ST6GALNAC3: variants seen among roughly 807,000 people sequenced by gnomAD.
ST6GALNAC3 encodes the protein alpha-N-acetylgalactosaminide alpha-2,6-sialyltransferase 3.
In ST6GALNAC3, 25 loss-of-function variants were observed where a neutral mutation model predicts 32.7. The ratio of observed to expected loss-of-function variants is 0.76; its 90% CI spans 0.56 to 1.07. ST6GALNAC3 has a LOEUF of 1.07. Ranked by LOEUF, ST6GALNAC3 falls within the 50% of genes least tolerant of loss-of-function variation. ST6GALNAC3 has a pLI of 0.00. For synonymous variants in ST6GALNAC3, 129 were observed against 133.1 expected, an observed-to-expected ratio of 0.97 and a Z score of 0.21; for missense variants, 355 against 382.4, an observed-to-expected ratio of 0.93 and a Z score of 0.60.
At position 76,088,304 on chromosome 1, in the gene ST6GALNAC3, G is replaced by A. The variant is rs142856994; in HGVS notation, c.18+13420G>A. Among the ~76,000 whole-genome samples the A allele has an allele frequency of 2.3e-3, 350 of 152,308 alleles. 1 individual carries two copies. The highest frequency in any genetic ancestry group is 0.01 in the Middle Eastern group (3 of 294). The stretch of plus-strand genomic sequence containing the variant: ...TTGGTGGTCTGTCTCCTAGAGCAGA[G>A]AATCACTAGTACTATTACAAACCAT... On this transcript the variant is annotated intron_variant, in intron 1 of 4. Coordinates refer to ENST00000328299, the MANE Select transcript of ST6GALNAC3 (RefSeq NM_152996.4).
intron 2 of ST6GALNAC3, among the ~76,000 whole-genome samples, chr1:76,337,945 G>T (rs1038370738): frequency 2.0e-5 from 3 of 152,156 alleles, no homozygotes; most frequent in African/African-American, 7.2e-5. Context: ...GGCATTAACA[G>T]TCACACAGGC....
chr1:76,565,188 C>T (rs1056301787), intron 3 of ST6GALNAC3, among the ~76,000 whole-genome samples: 1 of 152,088 alleles, frequency 6.6e-6, no homozygotes, highest in Non-Finnish European at 1.5e-5. Flanking sequence ...CCTATGCTGA[C>T]AACAACTGAG....
chr1:76,161,040 T>C (rs1651770790), intron 1 of ST6GALNAC3, among the ~76,000 whole-genome samples: 1 of 152,248 alleles, frequency 6.6e-6, no homozygotes, highest in African/African-American at 2.4e-5. Flanking sequence ...ACATGAGTAC[T>C]TAACCTTGAT....
At chr1:76,269,644 T>C (rs1570639195) in intron 1 of ST6GALNAC3, among the ~76,000 whole-genome samples, 2 of 152,206 alleles carry the variant, frequency 1.3e-5, no homozygotes, top group East Asian at 3.8e-4. Flanking sequence ...GGTATCCAGT[T>C]ATAATGGAAC....
chr1:76,414,129 T>A (rs1299051907), intron 3 of ST6GALNAC3, among the ~76,000 whole-genome samples: 1 of 152,068 alleles, frequency 6.6e-6, no homozygotes, highest in Admixed American at 6.6e-5. Flanking sequence ...AGAGAATAGC[T>A]TTGGGAGATC....
intron 3 of ST6GALNAC3, among the ~76,000 whole-genome samples, chr1:76,423,033 G>A (rs1156821154): frequency 2.6e-5 from 4 of 151,842 alleles, no homozygotes; most frequent in African/African-American, 9.7e-5. Context: ...TCTGACTTTT[G>A]AATCAAGAAT....
chr1:76,499,260 C>A (rs895454219), intron 3 of ST6GALNAC3, among the ~76,000 whole-genome samples: 1 of 152,152 alleles, frequency 6.6e-6, no homozygotes, highest in East Asian at 1.9e-4. Context: ...TTTGAGACAG[C>A]TTTTCCGGAA....
At chr1:76,276,756 A>T (rs1164857850) in intron 1 of ST6GALNAC3, among the ~76,000 whole-genome samples, 1 of 152,192 alleles carries the variant, frequency 6.6e-6, no homozygotes, top group Non-Finnish European at 1.5e-5. Context: ...ATTTTCCAAA[A>T]TAGAATAATA....
intron 3 of ST6GALNAC3, among the ~76,000 whole-genome samples, chr1:76,488,799 A>T (rs1286097318): frequency 6.6e-6 from 1 of 151,960 alleles, no homozygotes; most frequent in Non-Finnish European, 1.5e-5. Flanking sequence ...GGCAGCCTCT[A>T]CCTTCTCTTG....
Position 76,525,804 on chromosome 1 carries a change from TA to T in ST6GALNAC3, c.624-101647del, listed in dbSNP as rs1662864827. Among the ~76,000 whole-genome samples, 20 of 69,990 alleles carry T rather than the reference TA, an allele frequency of 2.9e-4. 1 individual carries two copies. Among genetic ancestry groups the T allele is most frequent in the African/African-American group, 1.7e-3 (19 of 11,462 alleles). 45.9% of individuals were successfully genotyped at this position (69,990 alleles called of 152,430 possible). A position where few individuals can be genotyped will look rare whatever the true frequency, so the allele number is the denominator to read the frequency against. Reference sequence around the variant, plus strand: ...GTGTGTGTGTGTGTATATATATATATATATATATATATATATATATATATGA... The same window carrying T: ...GTGTGTGTGTGTGTATATATATATATTATATATATATATATATATATATGA... On this transcript the variant is annotated intron_variant, in intron 3 of 4. Coordinates refer to ENST00000328299, the MANE Select transcript of ST6GALNAC3 (RefSeq NM_152996.4).
At chr1:76,453,672 T>G (rs1657566781) in intron 3 of ST6GALNAC3, among the ~76,000 whole-genome samples, 6 of 152,302 alleles carry the variant, frequency 3.9e-5, no homozygotes, top group Admixed American at 3.3e-4. Flanking sequence ...TTCTTAAATT[T>G]ATTGAAACTT....
At chr1:76,161,350 C>A (rs1177168100) in intron 1 of ST6GALNAC3, among the ~76,000 whole-genome samples, 1 of 152,150 alleles carries the variant, frequency 6.6e-6, no homozygotes, top group Non-Finnish European at 1.5e-5. Context: ...TCTTTGCAAC[C>A]CCGAGGTTTT....
intron 1 of ST6GALNAC3, among the ~76,000 whole-genome samples, chr1:76,203,062 A>C (rs959979317): frequency 4.3e-4 from 65 of 152,216 alleles, no homozygotes; most frequent in African/African-American, 1.4e-3. Context: ...TACGGATTAA[A>C]AAAATTACAA....
chr1:76,349,860 A>G (rs1184304643), intron 2 of ST6GALNAC3, among the ~76,000 whole-genome samples: 6 of 152,166 alleles, frequency 3.9e-5, no homozygotes, highest in African/African-American at 1.4e-4. Context: ...ACCTTGAGGC[A>G]GTGTCTCTTG....
chr1:76,565,506 C>T (rs570171603), intron 3 of ST6GALNAC3, among the ~76,000 whole-genome samples: 25 of 152,182 alleles, frequency 1.6e-4, no homozygotes, highest in African/African-American at 5.8e-4. Flanking sequence ...CTCTCTTGAA[C>T]GGGCTTCCTC....
chr1:76,306,391 A>G (rs1049006596), intron 1 of ST6GALNAC3, among the ~76,000 whole-genome samples: 1 of 152,058 alleles, frequency 6.6e-6, no homozygotes, highest in African/African-American at 2.4e-5. Context: ...TTCAACAAAA[A>G]CACAACTAAA....
rs137858522 is a variant in ST6GALNAC3, at chr1:76,243,527, C to T, written c.19-70278C>T. Among the ~76,000 whole-genome samples, 571 of 152,244 alleles carry T rather than the reference C, an allele frequency of 3.8e-3. 5 individuals carry two copies. Among genetic ancestry groups the T allele is most frequent in the African/African-American group, 0.013 (537 of 41,540 alleles). ...ATGATTTAGTCATGAAGTCTTTGCC[C>T]ATGCCTATGTCCTGAATGGTACTGC... On this transcript the variant is annotated intron_variant, in intron 1 of 4. Coordinates refer to ENST00000328299, the MANE Select transcript of ST6GALNAC3 (RefSeq NM_152996.4).
At chr1:76,349,848 TCAC>T (rs1000206720) in intron 2 of ST6GALNAC3, among the ~76,000 whole-genome samples, 1 of 152,204 alleles carries the variant, frequency 6.6e-6, no homozygotes, top group Non-Finnish European at 1.5e-5. Flanking sequence ...TCTCTTTGCA[TCAC>T]CTTGAGGCAG....
intron 2 of ST6GALNAC3, among the ~76,000 whole-genome samples, chr1:76,321,735 T>A (rs995128536): frequency 1.3e-5 from 2 of 152,210 alleles, no homozygotes; most frequent in African/African-American, 4.8e-5. Context: ...AACTAGCTTA[T>A]CCTTTTGTGG....
Sources: gnomAD v4.1 joint callset for allele counts (sites outside exome capture counted in the v4.1 genomes callset) on GRCh38, gnomAD v4.1.1 for gene constraint, MANE v1.5 for transcripts, NCBI Gene and HGNC (gene_info 2026-07-23, HGNC 2026-07-21) for gene names.